Variants in GC observed in about 807,000 individuals in gnomAD.
GC encodes GC vitamin D binding protein.
A neutral mutation model predicts 56.7 loss-of-function variants in GC; 43 were observed. The ratio of observed to expected loss-of-function variants is 0.76; its 90% CI spans 0.59 to 0.98. The LOEUF (loss-of-function observed/expected upper bound fraction) is 0.98, where lower values mean the gene tolerates loss of function less well. Among genes scored for constraint, GC ranks in the 50% least tolerant of loss-of-function variants. GC has a pLI of 0.00. For missense variants in GC, 529 were observed against 545.9 expected (o/e 0.97, Z 0.31); for synonymous variants, 216 against 202.7 (o/e 1.07, Z -0.56).
intron 11 of GC, among the ~76,000 whole-genome samples, chr4:71,749,972 T>C (rs1430090964): frequency 2.0e-5 from 3 of 152,128 alleles, no homozygotes; most frequent in Non-Finnish European, 4.4e-5. Context: ...AGGAAGAAAT[T>C]AGAAAAAGAT....
chr4:71,750,179 C>G (rs532769681), intron 11 of GC, among the ~76,000 whole-genome samples: 2 of 152,288 alleles, frequency 1.3e-5, no homozygotes, highest in South Asian at 4.1e-4. Context: ...AAAAGAGCTG[C>G]TATTGCGAAC....
chr4:71,742,005 C>T (rs967600751), intron 12 of GC, 135 bp from the exon 13 acceptor site: 3 of 655,524 alleles, frequency 4.6e-6, no homozygotes, highest in African/African-American at 3.6e-5. Context: ...TCTAGGATGA[C>T]CCATATATCC....
intron 1 of GC, among the ~76,000 whole-genome samples, chr4:71,782,882 T>C (rs537554913): frequency 6.6e-6 from 1 of 151,950 alleles, no homozygotes; most frequent in African/African-American, 2.4e-5. Flanking sequence ...CAATTTATGT[T>C]GCTTTTTTAT....
At chr4:71,767,682 G>A (rs1404455046) in intron 3 of GC, among the ~76,000 whole-genome samples, 1 of 149,156 alleles carries the variant, frequency 6.7e-6, no homozygotes, top group East Asian at 2.0e-4. Flanking sequence ...CAATAGTTTT[G>A]GGGGAACAAA....
At chr4:71,765,669 CAT>C (rs762981708) in intron 3 of GC, 26 bp from the exon 4 acceptor site, 19 of 1,361,898 alleles carry the variant, frequency 1.4e-5, no homozygotes, top group Middle Eastern at 2.1e-4. Context: ...AAAGGAAACT[CAT>C]ATATATATGT....
intron 1 of GC, among the ~76,000 whole-genome samples, chr4:71,791,830 G>T (rs777456648): frequency 3.3e-5 from 5 of 152,054 alleles, no homozygotes; most frequent in Non-Finnish European, 7.4e-5. Flanking sequence ...CCTACTCCCT[G>T]ACAGGCCCCT....
intron 1 of GC, among the ~76,000 whole-genome samples, chr4:71,780,718 T>C (rs1303997134): frequency 6.6e-6 from 1 of 152,048 alleles, no homozygotes; most frequent in Non-Finnish European, 1.5e-5. Flanking sequence ...TGGCAATCAT[T>C]AAAAAGTCAG....
rs764218301 is a variant in GC, at chr4:71,756,753, G to A, written c.993C>T (p.Asn331=). Residue 331 remains asparagine (N), a synonymous_variant, in exon 8 of 13, where the codon AAC becomes AAT. Transcript: ENST00000273951. The part of the protein sequence containing the change: ...PELPDVELPT[N]KDVCDPGNTK... ...TGTTTCCTGGATCACACACATCTTT[G>A]TTTGTGGGCAACTCTACATCTGGAA... is the stretch of plus-strand genomic sequence containing the variant. The A allele has an allele frequency of 1.2e-6, 2 of 1,613,728 alleles. No homozygotes were observed. Among genetic ancestry groups the A allele is most frequent in the Non-Finnish European group, 1.7e-6 (2 of 1,179,768 alleles).
At chr4:71,787,100 C>T (rs960827494), upstream of GC, among the ~76,000 whole-genome samples, 57 of 151,990 alleles carry the variant, frequency 3.8e-4, no homozygotes, top group African/African-American at 1.2e-3. Context: ...TAAGCTTATT[C>T]TAGCTGAATT....
intron 11 of GC, among the ~76,000 whole-genome samples, chr4:71,747,917 TG>T (rs1244851061): frequency 6.6e-6 from 1 of 152,176 alleles, no homozygotes; most frequent in East Asian, 1.9e-4. Flanking sequence ...ATTACCAACC[TG>T]GTATCATTTT....
chr4:71,751,215 G>A (rs222040), intron 11 of GC, among the ~76,000 whole-genome samples: 81,411 of 152,000 alleles, frequency 0.54, 22,504 homozygotes, highest in Middle Eastern at 0.63. Flanking sequence ...ACCCCTCACC[G>A]TGAAAATAGG....
intron 1 of GC, among the ~76,000 whole-genome samples, chr4:71,779,791 T>C (rs1330049707): frequency 1.3e-5 from 2 of 151,778 alleles, no homozygotes; most frequent in Admixed American, 6.6e-5. Flanking sequence ...GCTATTGATT[T>C]TCAGGGAGGT....
At chr4:71,788,150 A>C (rs1477066233), upstream of GC, among the ~76,000 whole-genome samples, 7 of 151,832 alleles carry the variant, frequency 4.6e-5, no homozygotes, top group African/African-American at 1.7e-4. Flanking sequence ...GAAATTTATC[A>C]ACCCTGGATT....
rs748324861 is a variant in GC at position 71,768,307 on chromosome 4, G to A, written c.255C>T (p.Asp85=). The change falls in exon 3 of 13, where the codon GAC becomes GAT. Residue 85 remains aspartate (D), a synonymous_variant. Coordinates refer to ENST00000273951, the MANE Select transcript of GC (RefSeq NM_000583.4). The stretch of plus-strand genomic sequence containing the variant: ...GCCAGCCACAGAAACCTACCCTGGT[G>A]TCATAGCAGTCAGGGTCAGCCCCTT... ...CAEGADPDCY[D]TRTSALSAKS... 6.2e-7 allele frequency: 1 copy of A among 1,605,848 alleles called. No individual in the cohort carries two copies. The highest frequency in any genetic ancestry group is 2.2e-5 in the East Asian group (1 of 44,526).
At chr4:71,749,409 T>C (rs1741475955) in intron 11 of GC, among the ~76,000 whole-genome samples, 1 of 152,186 alleles carries the variant, frequency 6.6e-6, no homozygotes, top group African/African-American at 2.4e-5. Flanking sequence ...GTTTGTCTTG[T>C]ATGGTGTCAG....
chr4:71,754,640 A>G, intron 9 of GC, 132 bp from the exon 10 acceptor site: 1 of 675,688 alleles, frequency 1.5e-6, no homozygotes, highest in Non-Finnish European at 2.6e-6. Flanking sequence ...GCCGGATAAT[A>G]ATTTTAGGGT....
intron 1 of GC, among the ~76,000 whole-genome samples, chr4:71,777,263 T>C (rs1198763177): frequency 6.6e-6 from 1 of 151,862 alleles, no homozygotes; most frequent in Admixed American, 6.6e-5. Flanking sequence ...AGAACTGTAA[T>C]TTAAATGGGA....
chr4:71,791,539 G>C (rs1205103720), intron 1 of GC, among the ~76,000 whole-genome samples: 1 of 151,990 alleles, frequency 6.6e-6, no homozygotes, highest in Non-Finnish European at 1.5e-5. Flanking sequence ...CGACAGTACT[G>C]AATCTTCCTA....
intron 3 of GC, among the ~76,000 whole-genome samples, chr4:71,766,413 A>T (rs978286633): frequency 1.3e-5 from 2 of 152,176 alleles, no homozygotes; most frequent in African/African-American, 4.8e-5. Context: ...ACTAAGCACC[A>T]TCAAAACAAT....
Sources: allele counts gnomAD v4.1 joint callset (sites outside exome capture counted in the v4.1 genomes callset), GRCh38; gene constraint gnomAD v4.1.1; transcripts MANE v1.5; gene names NCBI Gene and HGNC (gene_info 2026-07-23, HGNC 2026-07-21).